KIF20A: variants seen among roughly 807,000 people sequenced by gnomAD.
KIF20A encodes kinesin family member 20A.
Under a neutral mutation model 113.0 loss-of-function variants are expected in KIF20A, and 66 were observed. That is an observed-to-expected ratio of 0.58 (90% CI 0.48 to 0.72). KIF20A has a LOEUF of 0.72. KIF20A is among the 30% of genes least tolerant of loss of function. KIF20A has a pLI of 0.00. For synonymous variants in KIF20A, 376 were observed against 402.3 expected, an observed-to-expected ratio of 0.93 and a Z score of 0.78; for missense variants, 927 against 1,077.6, an observed-to-expected ratio of 0.86 and a Z score of 1.96.
chr5:138,183,816 TG>T lies in KIF20A; in HGVS notation c.1208+62del. ...GCCATAAATGATAGTTGGGAAAGCA[TG>T]GAGGAGGTCCTCAGGGGAACTATGT... On this transcript the variant is annotated intron_variant, in intron 10 of 18. Coordinates refer to ENST00000394894, the MANE Select transcript of KIF20A (RefSeq NM_005733.3). This position sits in a 1 kb window ranked among gnomAD's most constrained non-coding sequence, Gnocchi z 5.2. 2 of 1,575,000 alleles carry T rather than the reference TG, an allele frequency of 1.3e-6. No homozygotes were observed. Among genetic ancestry groups the T allele is most frequent in the Non-Finnish European group, 1.7e-6 (2 of 1,145,898 alleles).
In KIF20A at chr5:138,181,697, G is replaced by A. The variant is rs371087091; in HGVS notation, c.344G>A (p.Gly115Asp). ...CTGAAGAGCAATGAACGGGGAATTG[G>A]CCAAGCCACACACAGGTTCACCTTT... The part of the protein sequence containing the change: ...FALKSNERGI[G>D]QATHRFTFSQ... Residue 115 changes from glycine (G) to aspartate (D), a missense_variant, in exon 4 of 19, where the codon GGC (glycine) becomes GAC (aspartate). By Grantham distance (94) the Gly-to-Asp change is moderately conservative. Coordinates refer to ENST00000394894, the MANE Select transcript of KIF20A (RefSeq NM_005733.3). The A allele has an allele frequency of 1.9e-6, 3 of 1,613,960 alleles. No individual in the cohort carries two copies. Among genetic ancestry groups the A allele is most frequent in the African/African-American group, 1.3e-5 (1 of 74,900 alleles).
chr5:138,181,178 G>A (rs1447144911), intron 2 of KIF20A, among the ~76,000 whole-genome samples: 2 of 152,206 alleles, frequency 1.3e-5, no homozygotes, highest in Admixed American at 1.3e-4. Context: ...CAATAAATTC[G>A]AACTCAGATC....
At position 138,184,931 on chromosome 5, in the gene KIF20A, G is replaced by A. The variant is rs564669414; in HGVS notation, c.1808G>A (p.Arg603Gln). The A allele has an allele frequency of 6.2e-6, 10 of 1,614,108 alleles. No individual in the cohort carries two copies. Among genetic ancestry groups the A allele is most frequent in the African/African-American group, 5.3e-5 (4 of 75,028 alleles). ...CNEMVEQMQQ[R>Q]EQWCSEHLDT... ...GAGATGGTAGAACAGATGCAACAGC[G>A]GGAACAGTGGTGCAGGTACTAGCTG... is the stretch of plus-strand genomic sequence containing the variant. The change falls in exon 14 of 19, where the codon CGG (arginine) becomes CAG (glutamine). Residue 603 changes from arginine to glutamine, a missense_variant. Transcript: ENST00000394894.
chr5:138,184,246 C>G lies in KIF20A; in HGVS notation c.1360C>G (p.Gln454Glu). The G allele has an allele frequency of 6.2e-7, 1 of 1,614,046 alleles. No individual in the cohort carries two copies. The highest frequency in any genetic ancestry group is 1.7e-4 in the Middle Eastern group (1 of 6,060). The change falls in exon 12 of 19, where the codon CAG becomes GAG. Residue 454 changes from glutamine (Q) to glutamate (E), a missense_variant. By Grantham distance (29) the Gln-to-Glu change is conservative. Coordinates refer to ENST00000394894, the MANE Select transcript of KIF20A (RefSeq NM_005733.3). ...LRQNQQNRSKQNLVPFRDSKL... is the reference protein window; with the variant it reads ...LRQNQQNRSKENLVPFRDSKL... ...TCTCTGATTCTCTGCCAGGTCAAAG[C>G]AGAACCTGGTTCCCTTCCGTGACAG... is the stretch of plus-strand genomic sequence containing the variant.
Position 138,181,651 on chromosome 5 carries a change from G to A in KIF20A, c.298G>A (p.Ala100Thr). 1 of 1,614,186 alleles carries A rather than the reference G, an allele frequency of 6.2e-7. No homozygotes were observed. The highest frequency in any genetic ancestry group is 8.5e-7 in the Non-Finnish European group (1 of 1,180,016). ...GAATGTGGAGACCCTTGTTCTACAA[G>A]CACCCAAGGACTCTTTTGCCCTGAA... ...IENVETLVLQ[A>T]PKDSFALKSN... Residue 100 changes from alanine to threonine, a missense_variant, in exon 4 of 19, where the codon GCA (alanine) becomes ACA (threonine). Physicochemically the swap from Ala to Thr is moderately conservative, Grantham distance 58. Transcript: ENST00000394894.
At chr5:138,185,823 C>A in intron 16 of KIF20A, 113 bp downstream of exon 16, 2 of 1,331,490 alleles carry the variant, frequency 1.5e-6, no homozygotes, top group Non-Finnish European at 2.1e-6. Context: ...CAAGCTACAT[C>A]CCCCTGACAT....
intron 18 of KIF20A, among the ~76,000 whole-genome samples, 166 bp downstream of exon 18, chr5:138,186,597 T>G (rs1754749595): frequency 6.6e-6 from 1 of 152,248 alleles, no homozygotes; most frequent in African/African-American, 2.4e-5. Context: ...AAGCATTTAC[T>G]AAGTACCAGG....
At position 138,182,324 on chromosome 5, in the gene KIF20A, T is replaced by A. The variant is rs935223410; in HGVS notation, c.377T>A (p.Ile126Asn). ...QATHRFTFSQ[I>N]FGPEVGQASF... is the part of the protein sequence containing the mutation. ...CTAAAAAACTGGGTCTCTCTCTAGA[T>A]CTTTGGGCCAGAAGTGGGACAGGCA... Residue 126 changes from isoleucine (I) to asparagine (N), a missense_variant and splice_region_variant, in exon 5 of 19, where the codon ATC becomes AAC. Coordinates refer to ENST00000394894, the MANE Select transcript of KIF20A (RefSeq NM_005733.3). 14 of 1,613,046 alleles carry A rather than the reference T, an allele frequency of 8.7e-6. No homozygotes were observed. The Admixed American group carries it at 2.0e-4, about 23-fold the overall frequency.
At chr5:138,186,155 A>G (rs1754741570) in intron 17 of KIF20A, 103 bp downstream of exon 17, 3 of 1,499,086 alleles carry the variant, frequency 2.0e-6, no homozygotes, top group Admixed American at 1.7e-5. Flanking sequence ...TTTTTTGTGC[A>G]CAGTTCTGGA....
Position 138,183,532 on chromosome 5 carries a change from A to G in KIF20A, c.1090A>G (p.Lys364Glu). Reference protein sequence around the residue: ...EAWKLLKVGRKNQSFASTHLN... With the variant: ...EAWKLLKVGRENQSFASTHLN... ...CTGGAAGCTCCTAAAAGTGGGTCGT[A>G]AGAACCAGAGCTTTGCCAGCACCCA... is the stretch of plus-strand genomic sequence containing the variant. Residue 364 changes from lysine to glutamate, a missense_variant, in exon 9 of 19, where the codon AAG (lysine) becomes GAG (glutamate). Coordinates refer to ENST00000394894, the MANE Select transcript of KIF20A (RefSeq NM_005733.3). The surrounding 1 kb of genome is among the most constrained non-coding windows in gnomAD (Gnocchi z 5.2). 1.9e-6 allele frequency: 3 copies of G among 1,614,172 alleles called. No individual in the cohort carries two copies. The highest frequency in any genetic ancestry group is 2.5e-6 in the Non-Finnish European group (3 of 1,180,038).
At position 138,187,600 on chromosome 5, in the gene KIF20A, T is replaced by C. The variant is rs754740458; in HGVS notation, c.*187T>C. 4 of 495,520 alleles carry C rather than the reference T, an allele frequency of 8.1e-6. No homozygotes were observed. Among genetic ancestry groups the C allele is most frequent in the Non-Finnish European group, 1.4e-5 (4 of 283,370 alleles). The allele number at this position is 495,520 out of a possible 1,614,324, so 30.7% of individuals were successfully genotyped here. A position where few individuals can be genotyped will look rare whatever the true frequency, so the allele number is the denominator to read the frequency against. On this transcript the variant is annotated 3_prime_UTR_variant, in exon 19 of 19. Coordinates refer to ENST00000394894, the MANE Select transcript of KIF20A (RefSeq NM_005733.3). Reference sequence around the variant, plus strand: ...GTAATCTCATGTTGTTGTTTTTTTTTATTTACTTATATGATTTCTATGCAC... The same window carrying C: ...GTAATCTCATGTTGTTGTTTTTTTTCATTTACTTATATGATTTCTATGCAC...
chr5:138,184,726 T>A, intron 13 of KIF20A, 50 bp downstream of exon 13: 1 of 1,610,398 alleles, frequency 6.2e-7, no homozygotes, highest in Non-Finnish European at 8.5e-7. Flanking sequence ...CTACACATTT[T>A]TCCATGGTGC....
chr5:138,186,700 A>G (rs1754750990), intron 18 of KIF20A, among the ~76,000 whole-genome samples: 1 of 152,220 alleles, frequency 6.6e-6, no homozygotes, highest in South Asian at 2.1e-4. Flanking sequence ...ACTGATTATA[A>G]GAAACCATTA....
Position 138,186,193 on chromosome 5 carries a change from CCTTT to C in KIF20A, c.2218-98_2218-95del. On this transcript the variant is annotated intron_variant, in intron 17 of 18. Coordinates refer to ENST00000394894, the MANE Select transcript of KIF20A (RefSeq NM_005733.3). The stretch of plus-strand genomic sequence containing the variant: ...GTGGCTATTTCACTCAGCTGACTAG[CCTTT>C]CTAATTTTACTTCTCTTCAAATGGC... The C allele has an allele frequency of 5.3e-6, 8 of 1,514,278 alleles. No homozygotes were observed. In the South Asian group the frequency reaches 8.6e-5, roughly 16 times the overall value. 93.8% of individuals were successfully genotyped at this position (1,514,278 alleles called of 1,614,324 possible).
chr5:138,179,656 T>TTAGACC lies in KIF20A; in HGVS notation c.-21_-16dup. 1 of 1,613,124 alleles carries TTAGACC rather than the reference T, an allele frequency of 6.2e-7. No homozygotes were observed. Among genetic ancestry groups the TTAGACC allele is most frequent in the African/African-American group, 1.3e-5 (1 of 74,998 alleles). On this transcript the variant is annotated splice_region_variant and splice_polypyrimidine_tract_variant and intron_variant, in intron 1 of 18. Transcript: ENST00000394894. ...TCCCTGCCCACTTTTTGGTCTCTTT[T>TTAGACC]TAGACCTAGGCTGCCCCTGCCGTCA... is the stretch of plus-strand genomic sequence containing the variant.
At chr5:138,181,364 T>C in intron 2 of KIF20A, 58 bp from the exon 3 acceptor site, 1 of 1,408,122 alleles carries the variant, frequency 7.1e-7, no homozygotes, top group South Asian at 1.2e-5. Context: ...GTTTGCCCAT[T>C]TGCTCAGAGG....
chr5:138,180,593 G>A (rs1754644005), intron 2 of KIF20A, among the ~76,000 whole-genome samples: 1 of 152,178 alleles, frequency 6.6e-6, no homozygotes, highest in Non-Finnish European at 1.5e-5. Context: ...GGTCCTTGAT[G>A]ATGTCTCTCA....
At position 138,184,796 on chromosome 5, in the gene KIF20A, G is replaced by A; in HGVS notation, c.1684-11G>A. ...GCATCTGATGACCTCTGACATGTGT[G>A]TCTCTCCTAGGAGCTCCTACAAGTT... On this transcript the variant is annotated splice_polypyrimidine_tract_variant and intron_variant, in intron 13 of 18. Coordinates refer to ENST00000394894, the MANE Select transcript of KIF20A (RefSeq NM_005733.3). The A allele has an allele frequency of 6.2e-7, 1 of 1,613,866 alleles. No homozygotes were observed. The highest frequency in any genetic ancestry group is 8.5e-7 in the Non-Finnish European group (1 of 1,179,858).
rs752551503 is a variant in KIF20A, at chr5:138,183,623, A to C, written c.1139+42A>C. On this transcript the variant is annotated intron_variant, in intron 9 of 18. Transcript: ENST00000394894. This position sits in a 1 kb window ranked among gnomAD's most constrained non-coding sequence, Gnocchi z 5.2. Reference sequence around the variant, plus strand: ...AATAAACTCTTCACTGTGTTCCAGGAAACATTAGTCCTCTGCCTGGTCATG... The same window carrying C: ...AATAAACTCTTCACTGTGTTCCAGGCAACATTAGTCCTCTGCCTGGTCATG... 47 of 1,608,460 alleles carry C rather than the reference A, an allele frequency of 2.9e-5. No individual in the cohort carries two copies. Among genetic ancestry groups the C allele is most frequent in the Non-Finnish European group, 3.9e-5 (46 of 1,175,018 alleles).
Sources: allele counts gnomAD v4.1 joint callset (sites outside exome capture counted in the v4.1 genomes callset), GRCh38; gene constraint gnomAD v4.1.1; non-coding constraint Gnocchi (gnomAD v3.1); transcripts MANE v1.5; gene names NCBI Gene and HGNC (gene_info 2026-07-23, HGNC 2026-07-21).